The following NBEA variants were observed in gnomAD, a reference collection of about 807,000 sequenced individuals.
NBEA encodes the protein lysosomal-trafficking regulator 2.
In NBEA, 44 loss-of-function variants were observed where a neutral mutation model predicts 343.4. That is an observed-to-expected ratio of 0.13 (90% CI 0.10 to 0.16). The LOEUF (loss-of-function observed/expected upper bound fraction) is 0.16, where lower values mean the gene tolerates loss of function less well. NBEA is among the 10% of genes least tolerant of loss of function. The pLI, the probability that NBEA is intolerant of heterozygous loss-of-function variation, is 1.00. For synonymous variants in NBEA, 1,175 were observed against 1,238.7 expected, an observed-to-expected ratio of 0.95 and a Z score of 1.08; for missense variants, 2,555 against 3,631.3, an observed-to-expected ratio of 0.70 and a Z score of 7.62.
chr13:35,374,212 C>G (rs2041613187), intron 38 of NBEA, among the ~76,000 whole-genome samples: 1 of 151,852 alleles, frequency 6.6e-6, no homozygotes, highest in African/African-American at 2.4e-5. Flanking sequence ...TATTTTTTGC[C>G]TCAGGTAATG....
chr13:35,646,273 G>T lies in NBEA; in HGVS notation c.7695G>T (p.Gln2565His), dbSNP rs1176368249. 6.8e-6 allele frequency: 11 copies of T among 1,613,474 alleles called. No individual in the cohort carries two copies. The highest frequency in any genetic ancestry group is 3.3e-5 in the Admixed American group (2 of 59,992). The change falls in exon 51 of 59, where the codon CAG (glutamine) becomes CAT (histidine). Residue 2565 changes from glutamine (Q) to histidine (H), a missense_variant. Transcript: ENST00000379939. ...TTCCCCTGCAGGCCATGGAGGCACA[G>T]ATACAGAACTTTGGACAGACGCCAT... Reference protein sequence around the residue: ...TKDFIKAMEAQIQNFGQTPSQ... With the variant: ...TKDFIKAMEAHIQNFGQTPSQ...
chr13:35,543,453 A>G (rs987658262), intron 41 of NBEA, among the ~76,000 whole-genome samples: 2 of 152,180 alleles, frequency 1.3e-5, no homozygotes, highest in Non-Finnish European at 2.9e-5. Context: ...TTATCTCTCA[A>G]TTGACAGCCC....
rs1352022171 is a variant in NBEA at position 35,308,508 on chromosome 13, ATATG to A, written c.5839-1018_5839-1015del. Among the ~76,000 whole-genome samples the A allele has an allele frequency of 2.3e-3, 285 of 124,624 alleles. 3 individuals carry two copies. Among genetic ancestry groups the A allele is most frequent in the African/African-American group, 8.3e-3 (261 of 31,268 alleles). The allele number at this position is 124,624 out of a possible 152,430, so 81.8% of individuals were successfully genotyped here. A position where few individuals can be genotyped will look rare whatever the true frequency, so the allele number is the denominator to read the frequency against. Reference sequence around the variant, plus strand: ...TATGTGTATATATATGTGTATATATATATGTGTATATATGTATATATATGTATAT... The same window carrying A: ...TATGTGTATATATATGTGTATATATATGTATATATGTATATATATGTATAT... On this transcript the variant is annotated intron_variant, in intron 35 of 58. Coordinates refer to ENST00000379939, the MANE Select transcript of NBEA (RefSeq NM_001385012.1).
At chr13:35,540,090 G>T (rs942322639) in intron 41 of NBEA, among the ~76,000 whole-genome samples, 2 of 151,594 alleles carry the variant, frequency 1.3e-5, no homozygotes, top group African/African-American at 4.8e-5. Context: ...TTTCATTCTG[G>T]CTGTATCTAA....
At chr13:35,476,682 G>C in intron 41 of NBEA, 1 of 884,944 alleles carries the variant, frequency 1.1e-6, no homozygotes, top group Non-Finnish European at 1.5e-6. Flanking sequence ...GCTGCTGTTG[G>C]TTTGTCTAAG....
intron 34 of NBEA, among the ~76,000 whole-genome samples, chr13:35,274,854 G>A (rs968672371): frequency 6.6e-6 from 1 of 152,130 alleles, no homozygotes; most frequent in Non-Finnish European, 1.5e-5. Context: ...TGAAATAAAA[G>A]AGGACACAAT....
At chr13:35,412,111 A>T (rs1189250495) in intron 38 of NBEA, among the ~76,000 whole-genome samples, 1 of 152,154 alleles carries the variant, frequency 6.6e-6, no homozygotes, top group Non-Finnish European at 1.5e-5. Flanking sequence ...TTTGAAATCC[A>T]TGCATAATGT....
chr13:35,622,742 C>T (rs1277371520), intron 48 of NBEA, among the ~76,000 whole-genome samples: 3 of 151,874 alleles, frequency 2.0e-5, no homozygotes, highest in East Asian at 3.9e-4. Context: ...AGATTTTTGA[C>T]GTAATGAGAA....
chr13:35,655,673 C>T lies in NBEA; in HGVS notation c.8286C>T (p.Ser2762=), dbSNP rs1217210999. 3.1e-6 allele frequency: 5 copies of T among 1,613,740 alleles called. No individual in the cohort carries two copies. The highest frequency in any genetic ancestry group is 2.2e-5 in the South Asian group (2 of 91,074). ...TTGGTGGGGACTGCTACATCGTGTCCGGATCTCGAGATGCCACCCTGCTGC... is the reference window on the plus strand; with the variant it reads ...TTGGTGGGGACTGCTACATCGTGTCTGGATCTCGAGATGCCACCCTGCTGC... ...SYIGGDCYIV[S]GSRDATLLLW... is the part of the protein sequence containing the mutation. The change falls in exon 55 of 59, where the codon TCC becomes TCT. Residue 2762 remains serine (S), a synonymous_variant. Coordinates refer to ENST00000379939, the MANE Select transcript of NBEA (RefSeq NM_001385012.1).
intron 40 of NBEA, among the ~76,000 whole-genome samples, chr13:35,463,439 A>G (rs1419847425): frequency 6.6e-6 from 1 of 152,118 alleles, no homozygotes; most frequent in East Asian, 1.9e-4. Context: ...CCTGGGCAAC[A>G]TGGTGAAACC....
intron 48 of NBEA, among the ~76,000 whole-genome samples, chr13:35,609,977 A>G (rs889296211): frequency 4.6e-5 from 7 of 152,214 alleles, no homozygotes; most frequent in African/African-American, 1.7e-4. Context: ...GTACGTCTGC[A>G]CTGATGCTTC....
chr13:35,547,046 C>T (rs2153010140), intron 41 of NBEA, among the ~76,000 whole-genome samples: 1 of 152,286 alleles, frequency 6.6e-6, no homozygotes, highest in African/African-American at 2.4e-5. Context: ...GGAATTATGG[C>T]TAGCTCAGAA....
chr13:35,283,342 C>G (rs1297057578), intron 34 of NBEA, among the ~76,000 whole-genome samples: 1 of 152,010 alleles, frequency 6.6e-6, no homozygotes. Context: ...TACAATTAAA[C>G]TTAACTTTGT....
intron 41 of NBEA, among the ~76,000 whole-genome samples, chr13:35,542,005 A>G (rs1021917636): frequency 1.3e-5 from 2 of 152,084 alleles, no homozygotes; most frequent in African/African-American, 4.8e-5. Flanking sequence ...CACAGCTAGT[A>G]AGAGAGGCAG....
intron 17 of NBEA, among the ~76,000 whole-genome samples, chr13:35,128,295 C>T (rs1396956654): frequency 1.3e-5 from 2 of 149,412 alleles, no homozygotes; most frequent in East Asian, 1.9e-4. Flanking sequence ...AATTAGAATA[C>T]AAGCCAAAAA....
intron 35 of NBEA, among the ~76,000 whole-genome samples, chr13:35,301,796 C>A (rs2036567046): frequency 6.6e-6 from 1 of 152,082 alleles, no homozygotes; most frequent in Admixed American, 6.6e-5. Context: ...ATTTACACTC[C>A]CACCAACAGT....
intron 35 of NBEA, among the ~76,000 whole-genome samples, chr13:35,298,280 T>C (rs2036294111): frequency 6.9e-6 from 1 of 144,266 alleles, no homozygotes; most frequent in Non-Finnish European, 1.5e-5. Flanking sequence ...TTTAATGTAG[T>C]CCAAAAGTAC....
chr13:35,645,908 C>A lies in NBEA; in HGVS notation c.7657C>A (p.Leu2553Ile). ...TTTCATTAGAGACCCCCACACTTTC[C>A]TTCTTACAAAGGACTTTATTAAGGT... ...AYFIRDPHTF[L>I]LTKDFIKAME... Residue 2553 changes from leucine to isoleucine, a missense_variant, in exon 50 of 59, where the codon CTT becomes ATT. Transcript: ENST00000379939. 3.2e-6 allele frequency: 5 copies of A among 1,576,278 alleles called. No individual in the cohort carries two copies. The highest frequency in any genetic ancestry group is 4.3e-6 in the Non-Finnish European group (5 of 1,157,652).
chr13:35,155,663 T>C, intron 18 of NBEA, 111 bp from the exon 19 acceptor site: 1 of 766,394 alleles, frequency 1.3e-6, no homozygotes, highest in Non-Finnish European at 2.1e-6. Flanking sequence ...GAGATGTTTC[T>C]TTTGGTTTGG....
Sources: gnomAD v4.1 joint callset for allele counts (sites outside exome capture counted in the v4.1 genomes callset) on GRCh38, gnomAD v4.1.1 for gene constraint, MANE v1.5 for transcripts, NCBI Gene and HGNC (gene_info 2026-07-23, HGNC 2026-07-21) for gene names.